The following RBBP6 variants were observed in gnomAD, a reference collection of about 807,000 sequenced individuals.
The protein encoded by RBBP6 is RB binding protein 6, ubiquitin ligase.
In RBBP6, 25 loss-of-function variants were observed where a neutral mutation model predicts 167.7. The ratio of observed to expected loss-of-function variants is 0.15; its 90% confidence interval spans 0.11 to 0.21. The LOEUF (loss-of-function observed/expected upper bound fraction) is 0.21, where lower values mean the gene tolerates loss of function less well. Ranked by LOEUF, RBBP6 falls within the 10% of genes least tolerant of loss-of-function variation. The pLI is 1.00. For missense variants in RBBP6, 1,868 were observed against 2,134.2 expected (o/e 0.88, Z 2.46); for synonymous variants, 789 against 735.8 (o/e 1.07, Z -1.17).
chr16:24,569,408 T>G lies in RBBP6; in HGVS notation c.2718T>G (p.Asp906Glu), dbSNP rs1160880169. The change falls in exon 17 of 18, where the codon GAT (aspartate) becomes GAG (glutamate). Residue 906 changes from aspartate (D) to glutamate (E), a missense_variant. By Grantham distance (45) the Asp-to-Glu change is conservative. Transcript: ENST00000319715. ...ATCCAGAAAAGCTTTCAGCAAGAGA[T>G]GGTCACAATCAGAAGGATAATACAA... Reference protein sequence around the residue: ...SNYPEKLSARDGHNQKDNTKS... With the variant: ...SNYPEKLSAREGHNQKDNTKS... The G allele has an allele frequency of 6.2e-7, 1 of 1,613,596 alleles. No individual in the cohort carries two copies. The highest frequency in any genetic ancestry group is 2.2e-5 in the East Asian group (1 of 44,868).
In RBBP6 at chr16:24,562,147, A is replaced by G. The variant is rs752329510; in HGVS notation, c.1275A>G (p.Ser425=). 44 of 1,607,440 alleles carry G rather than the reference A, an allele frequency of 2.7e-5. No homozygotes were observed. Among genetic ancestry groups the G allele is most frequent in the Non-Finnish European group, 3.7e-5 (43 of 1,175,190 alleles). The change falls in exon 10 of 18, where the codon TCA becomes TCG. Residue 425 remains serine (S), a synonymous_variant. Transcript: ENST00000319715. ...CCATATCAGTTCATTCAGAAAAATC[A>G]GATGGACCTTTTCGGTAAGCCTGTG... ...TVSISVHSEK[S]DGPFRDSDNK...
chr16:24,560,791 G>A (rs923140993), intron 8 of RBBP6, among the ~76,000 whole-genome samples: 1 of 152,160 alleles, frequency 6.6e-6, no homozygotes. Context: ...AAAGTATACT[G>A]GAGGATGTAC....
chr16:24,557,750 T>C (rs1898950278), intron 7 of RBBP6, among the ~76,000 whole-genome samples: 1 of 152,198 alleles, frequency 6.6e-6, no homozygotes, highest in Admixed American at 6.5e-5. Context: ...CATACATATA[T>C]AAGAACAGTT....
At chr16:24,568,627 A>G in intron 16 of RBBP6, 118 bp from the exon 17 acceptor site, 3 of 1,373,466 alleles carry the variant, frequency 2.2e-6, no homozygotes, top group Non-Finnish European at 9.6e-7. Context: ...ATCATCTAAG[A>G]TGAAATTTGA....
At position 24,563,681 on chromosome 16, in the gene RBBP6, A is replaced by G; in HGVS notation, c.1520+17A>G. ...CTGGGAACAGTGAGTAGATGTTTAC[A>G]ATAATCTTCAGATGATTGCCTGCAA... On this transcript the variant is annotated intron_variant, in intron 13 of 17. Coordinates refer to ENST00000319715, the MANE Select transcript of RBBP6 (RefSeq NM_006910.5). 3.1e-6 allele frequency: 5 copies of G among 1,606,226 alleles called. No homozygotes were observed. In the Middle Eastern group the frequency reaches 5.0e-4, roughly 159 times the overall value.
At chr16:24,564,767 C>A in intron 13 of RBBP6, 30 bp from the exon 14 acceptor site, 2 of 1,608,144 alleles carry the variant, frequency 1.2e-6, no homozygotes, top group South Asian at 1.1e-5. Context: ...TGGAGAAATA[C>A]TTGAGCCTAT....
At position 24,567,213 on chromosome 16, in the gene RBBP6, C is replaced by T. The variant is rs1438985634; in HGVS notation, c.1660C>T (p.Pro554Ser). Reference sequence around the variant, plus strand: ...TCAAGGCCCGTCACTACCAGCAACTCCAGTCTTTGTACCTGTTCCACCACC... The same window carrying T: ...TCAAGGCCCGTCACTACCAGCAACTTCAGTCTTTGTACCTGTTCCACCACC... ...RTQGPSLPAT[P>S]VFVPVPPPPL... Residue 554 changes from proline to serine, a missense_variant, in exon 15 of 18, where the codon CCA becomes TCA. Pro to Ser is a moderately conservative substitution (Grantham distance 74). Transcript: ENST00000319715. 1.2e-6 allele frequency: 2 copies of T among 1,613,914 alleles called. No homozygotes were observed. Among genetic ancestry groups the T allele is most frequent in the Non-Finnish European group, 1.7e-6 (2 of 1,179,900 alleles).
intron 11 of RBBP6, 44 bp from the exon 12 acceptor site, chr16:24,563,379 T>A (rs369507848): frequency 1.0e-4 from 161 of 1,553,360 alleles, no homozygotes; most frequent in Non-Finnish European, 1.3e-4. Context: ...TCTTTTTTTT[T>A]TTTTTTTTTA....
At chr16:24,542,033 T>C (rs1362072372) in intron 1 of RBBP6, among the ~76,000 whole-genome samples, 1 of 152,176 alleles carries the variant, frequency 6.6e-6, no homozygotes, top group Non-Finnish European at 1.5e-5. Flanking sequence ...GACTCAAAAA[T>C]ATTAAGGAAG....
chr16:24,550,001 A>G (rs1458557352), intron 3 of RBBP6, among the ~76,000 whole-genome samples: 1 of 152,020 alleles, frequency 6.6e-6, no homozygotes, highest in Non-Finnish European at 1.5e-5. Flanking sequence ...TCTGTTTCAT[A>G]ACACAGGTCT....
intron 9 of RBBP6, 28 bp downstream of exon 9, chr16:24,561,743 A>G: frequency 1.2e-6 from 2 of 1,610,544 alleles, no homozygotes; most frequent in Non-Finnish European, 1.7e-6. Context: ...TTTTATGAAA[A>G]AATTCTTTTT....
At position 24,571,138 on chromosome 16, in the gene RBBP6, A is replaced by T; in HGVS notation, c.4072A>T (p.Asn1358Tyr). Residue 1358 changes from asparagine to tyrosine, a missense_variant, in exon 18 of 18, where the codon AAT becomes TAT. Physicochemically the swap from Asn to Tyr is moderately radical, Grantham distance 143. Transcript: ENST00000319715. ...VIKNVSTKPSNIVKYPEKESE... is the reference protein window; with the variant it reads ...VIKNVSTKPSYIVKYPEKESE... ...AAAAAATGTTAGTACAAAGCCATCA[A>T]ATATAGTCAAGTATCCTGAGAAAGA... 1 of 1,613,732 alleles carries T rather than the reference A, an allele frequency of 6.2e-7. No homozygotes were observed. Among genetic ancestry groups the T allele is most frequent in the South Asian group, 1.1e-5 (1 of 91,046 alleles).
chr16:24,562,517 A>T (rs1264269845), intron 10 of RBBP6, among the ~76,000 whole-genome samples: 1 of 152,182 alleles, frequency 6.6e-6, no homozygotes, highest in Non-Finnish European at 1.5e-5. Flanking sequence ...AACTAAGAAC[A>T]GTTTAGATAG....
chr16:24,557,571 CAA>C (rs889545286), intron 7 of RBBP6, among the ~76,000 whole-genome samples: 9 of 138,572 alleles, frequency 6.5e-5, no homozygotes, highest in East Asian at 2.1e-4. Flanking sequence ...GGACCTTGGG[CAA>C]AAAAAAAAAA....
At chr16:24,551,027 A>C (rs919453422) in intron 3 of RBBP6, among the ~76,000 whole-genome samples, 1 of 151,898 alleles carries the variant, frequency 6.6e-6, no homozygotes. Flanking sequence ...AGCGAACTCT[A>C]ATCAAGAATG....
At chr16:24,556,156 G>C (rs769239041) in intron 6 of RBBP6, 152 bp from the exon 7 acceptor site, 3 of 712,872 alleles carry the variant, frequency 4.2e-6, no homozygotes, top group Middle Eastern at 3.9e-4. Context: ...AAAATAGTAC[G>C]TACTTCACAT....
Position 24,571,496 on chromosome 16 carries a change from A to C in RBBP6, c.4430A>C (p.Tyr1477Ser). The part of the protein sequence containing the change: ...FTPNRDKKTD[Y>S]DTREYSSSKR... ...CCCAATAGAGACAAAAAAACTGACT[A>C]TGACACCAGAGAGTATTCAAGTTCC... The change falls in exon 18 of 18, where the codon TAT becomes TCT. Residue 1477 changes from tyrosine (Y) to serine (S), a missense_variant. Tyr to Ser is a moderately radical substitution (Grantham distance 144). This residue lies in a region of RBBP6 where 591 missense variants were observed against 540.5 expected (regional missense o/e 1.09). Coordinates refer to ENST00000319715, the MANE Select transcript of RBBP6 (RefSeq NM_006910.5). 1 of 1,612,750 alleles carries C rather than the reference A, an allele frequency of 6.2e-7. No individual in the cohort carries two copies.
intron 8 of RBBP6, among the ~76,000 whole-genome samples, chr16:24,561,037 A>G (rs1248991741): frequency 1.4e-5 from 2 of 138,380 alleles, no homozygotes; most frequent in African/African-American, 2.7e-5. Flanking sequence ...ATTGAAGCTT[A>G]ATCTTCGTAT....
chr16:24,561,053 A>G (rs940588259), intron 8 of RBBP6, among the ~76,000 whole-genome samples: 2 of 132,080 alleles, frequency 1.5e-5, no homozygotes, highest in African/African-American at 2.8e-5. Context: ...CGTATCTGTA[A>G]TTTAGTGTTG....
Sources: gnomAD v4.1 joint callset for allele counts (sites outside exome capture counted in the v4.1 genomes callset) on GRCh38, gnomAD v4.1.1 for gene constraint, gnomAD v4.1.1 regional missense constraint, MANE v1.5 for transcripts, NCBI Gene and HGNC (gene_info 2026-07-23, HGNC 2026-07-21) for gene names.